Variants in TUSC3 observed in about 807,000 individuals in gnomAD.
TUSC3 encodes the protein tumor suppressor candidate 3.
Under a neutral mutation model 44.8 loss-of-function variants are expected in TUSC3, and 45 were observed. The ratio of observed to expected loss-of-function variants is 1.00; its 90% CI spans 0.79 to 1.29. TUSC3 has a LOEUF of 1.29. TUSC3 is among the 50% of genes most tolerant of loss of function. The pLI is 0.00. For synonymous variants in TUSC3, 212 were observed against 152.9 expected (o/e 1.39, Z -2.85); for missense variants, 519 against 437.9 (o/e 1.19, Z -1.65).
intron 1 of TUSC3, among the ~76,000 whole-genome samples, chr8:15,429,125 C>A (rs187689597): frequency 6.6e-6 from 1 of 151,988 alleles, no homozygotes; most frequent in Non-Finnish European, 1.5e-5. Flanking sequence ...AGTCTTTAAT[C>A]CATGTTGAAT....
intron 3 of TUSC3, among the ~76,000 whole-genome samples, chr8:15,655,003 C>T (rs1807090447): frequency 6.6e-6 from 1 of 152,006 alleles, no homozygotes; most frequent in African/African-American, 2.4e-5. Flanking sequence ...ATAATAGTAC[C>T]TTTCTCATAA....
chr8:15,443,369 T>C (rs1385825625), intron 1 of TUSC3, among the ~76,000 whole-genome samples: 1 of 150,822 alleles, frequency 6.6e-6, no homozygotes, highest in African/African-American at 2.5e-5. Context: ...TGTGTGTGTG[T>C]GTGTGTGTGT....
chr8:15,695,488 T>C (rs1324064771), intron 6 of TUSC3, among the ~76,000 whole-genome samples: 1 of 152,188 alleles, frequency 6.6e-6, no homozygotes, highest in Non-Finnish European at 1.5e-5. Context: ...GGGTGTGTCT[T>C]TATCAGCAGT....
At chr8:15,631,069 C>T (rs553789268) in intron 2 of TUSC3, among the ~76,000 whole-genome samples, 7 of 152,056 alleles carry the variant, frequency 4.6e-5, no homozygotes, top group Non-Finnish European at 1.0e-4. Context: ...TCTTGGCTAC[C>T]TGAACAAGGT....
the TUSC3 span, among the ~76,000 whole-genome samples, chr8:15,803,019 G>A: frequency 1.3e-5 from 2 of 152,054 alleles, no homozygotes; most frequent in Non-Finnish European, 2.9e-5. Context: ...TGGTAATATT[G>A]GCTCAAAGAA....
chr8:15,470,272 A>T (rs1330736288), intron 1 of TUSC3, among the ~76,000 whole-genome samples: 6 of 151,858 alleles, frequency 4.0e-5, no homozygotes, highest in African/African-American at 1.5e-4. Context: ...AAAAAAAAAA[A>T]AAAGCATTGG....
intron 1 of TUSC3, among the ~76,000 whole-genome samples, chr8:15,557,480 G>A (rs1256588414): frequency 6.0e-5 from 3 of 50,176 alleles, no homozygotes; most frequent in African/African-American, 1.7e-4. Context: ...TTGACTTGGC[G>A]ATGCGGGCTC....
At chr8:15,472,553 A>T (rs929728953) in intron 1 of TUSC3, among the ~76,000 whole-genome samples, 6 of 152,144 alleles carry the variant, frequency 3.9e-5, no homozygotes, top group African/African-American at 1.4e-4. Flanking sequence ...TTCTGTAAGT[A>T]TTCACCAAAT....
At chr8:15,421,957 AGGAGCCAGTGTCTTCTCTG>A (rs1341359417) in intron 1 of TUSC3, among the ~76,000 whole-genome samples, 1 of 152,140 alleles carries the variant, frequency 6.6e-6, no homozygotes, top group Non-Finnish European at 1.5e-5. Context: ...TGTCTTCTCT[AGGAGCCAGTGTCTTCTCTG>A]GGAGCATCAT....
rs1454597572 is a variant in TUSC3, at chr8:15,661,317, T to C, written c.568-839T>C. On this transcript the variant is annotated intron_variant, in intron 4 of 10. Coordinates refer to ENST00000503731, the MANE Select transcript of TUSC3 (RefSeq NM_006765.4). ...TTGGTCTAGAGTTAGATATTTCATTTAATTGTCATGTCTTGTAAGCTTCTT... is the reference window on the plus strand; with the variant it reads ...TTGGTCTAGAGTTAGATATTTCATTCAATTGTCATGTCTTGTAAGCTTCTT... Among the ~76,000 whole-genome samples the C allele has an allele frequency of 2.0e-5, 3 of 152,200 alleles. No individual in the cohort carries two copies. The East Asian group carries it at 5.8e-4, about 29-fold the overall frequency.
chr8:15,447,404 T>C (rs577364762), intron 1 of TUSC3, among the ~76,000 whole-genome samples: 1 of 152,242 alleles, frequency 6.6e-6, no homozygotes, highest in African/African-American at 2.4e-5. Context: ...GATGTGACAT[T>C]AATGGAGATT....
chr8:15,573,200 C>CTATA (rs756046911), intron 1 of TUSC3, among the ~76,000 whole-genome samples: 308 of 99,408 alleles, frequency 3.1e-3, no homozygotes, highest in African/African-American at 4.1e-3. Flanking sequence ...CTCTCTCTCT[C>CTATA]TCTATATATA....
chr8:15,501,866 A>G (rs1299955974), intron 2 of TUSC3, among the ~76,000 whole-genome samples: 1 of 152,220 alleles, frequency 6.6e-6, no homozygotes, highest in Admixed American at 6.5e-5. Flanking sequence ...TTGTATTTGA[A>G]AAAGTATTTA....
intron 7 of TUSC3, among the ~76,000 whole-genome samples, chr8:15,732,575 AT>A (rs1297608623): frequency 6.7e-6 from 1 of 150,368 alleles, no homozygotes; most frequent in Non-Finnish European, 1.5e-5. Flanking sequence ...GAAAAAAAAA[AT>A]CATCTTCTAA....
At chr8:15,802,434 T>G in the TUSC3 span, among the ~76,000 whole-genome samples, 21 of 152,278 alleles carry the variant, frequency 1.4e-4, no homozygotes, top group East Asian at 3.9e-3. Context: ...ATTTCTTTTC[T>G]TTTTTTGAGA....
intron 1 of TUSC3, among the ~76,000 whole-genome samples, chr8:15,612,652 C>T (rs1260227645): frequency 1.3e-5 from 2 of 152,094 alleles, no homozygotes; most frequent in Non-Finnish European, 1.5e-5. Flanking sequence ...GAGGAATGGG[C>T]ATCTGAACGT....
At chr8:15,811,192 G>C in the TUSC3 span, among the ~76,000 whole-genome samples, 1 of 152,180 alleles carries the variant, frequency 6.6e-6, no homozygotes, top group East Asian at 1.9e-4. Flanking sequence ...GTAAGCAAAT[G>C]AAGCTAACAA....
In TUSC3 at chr8:15,475,134, C is replaced by T. The variant is rs954247653; in HGVS notation, n.92-8252C>T. 8.5e-5 allele frequency among the ~76,000 whole-genome samples: 13 copies of T among 152,092 alleles called. No individual in the cohort carries two copies. In the South Asian group the frequency reaches 1.9e-3, roughly 22 times the overall value. On this transcript the variant is annotated intron_variant and non_coding_transcript_variant, in intron 1 of 5. Coordinates refer to the TUSC3 transcript ENST00000503191. ...CTAATATTATTGAGCAGTTATTATGCTCTGAGGCACCATGCTACACCTAAA... is the reference window on the plus strand; with the variant it reads ...CTAATATTATTGAGCAGTTATTATGTTCTGAGGCACCATGCTACACCTAAA...
At chr8:15,641,854 T>C (rs1215318999) in intron 2 of TUSC3, among the ~76,000 whole-genome samples, 1 of 152,170 alleles carries the variant, frequency 6.6e-6, no homozygotes, top group Non-Finnish European at 1.5e-5. Flanking sequence ...ATTTTATATG[T>C]ATCTAAAGGC....
Sources: gnomAD v4.1 joint callset for allele counts (sites outside exome capture counted in the v4.1 genomes callset) on GRCh38, gnomAD v4.1.1 for gene constraint, MANE v1.5 for transcripts, NCBI Gene and HGNC (gene_info 2026-07-23, HGNC 2026-07-21) for gene names.